Variants in RPH3A observed in about 807,000 individuals in gnomAD.
RPH3A encodes the protein rabphilin-3A.
In RPH3A, 48 loss-of-function variants were observed where a neutral mutation model predicts 102.2. The observed-to-expected ratio is 0.47, with a 90% CI of 0.37 to 0.60. The LOEUF is 0.60. Among genes scored for constraint, RPH3A ranks in the 20% least tolerant of loss-of-function variants. The probability of loss-of-function intolerance (pLI) is 0.00; values close to 1 mark genes in which losing one functional copy is unlikely to be tolerated. For synonymous variants in RPH3A, 310 were observed against 324.3 expected (o/e 0.96, Z 0.47); for missense variants, 781 against 910.1 (o/e 0.86, Z 1.83).
At chr12:112,712,537 CCA>C (rs2040469640) in intron 1 of RPH3A, among the ~76,000 whole-genome samples, 4 of 152,126 alleles carry the variant, frequency 2.6e-5, no homozygotes, top group South Asian at 2.1e-4. Context: ...TACTCACCAT[CCA>C]GTTTAAGAAC....
chr12:112,637,766 C>T (rs1289699414), intron 1 of RPH3A, among the ~76,000 whole-genome samples: 2 of 152,192 alleles, frequency 1.3e-5, no homozygotes, highest in Non-Finnish European at 2.9e-5. Context: ...TATCACACAA[C>T]CCATCATCAA....
intron 2 of RPH3A, among the ~76,000 whole-genome samples, chr12:112,812,067 GC>G (rs1221707032): frequency 6.6e-6 from 1 of 151,750 alleles, no homozygotes; most frequent in Non-Finnish European, 1.5e-5. Context: ...AAAAAAAAGA[GC>G]ATCTCCTTTC....
At chr12:112,674,250 G>A (rs2040156346) in intron 1 of RPH3A, among the ~76,000 whole-genome samples, 1 of 152,084 alleles carries the variant, frequency 6.6e-6, no homozygotes, top group African/African-American at 2.4e-5. Flanking sequence ...TAGAGATGGG[G>A]TCTTGCTGTG....
intron 2 of RPH3A, among the ~76,000 whole-genome samples, chr12:112,818,504 T>G (rs1471290833): frequency 6.6e-6 from 1 of 152,068 alleles, no homozygotes; most frequent in Non-Finnish European, 1.5e-5. Context: ...AAGTGATCAA[T>G]AGCAGCTATA....
At chr12:112,634,137 A>G (rs1302999950) in intron 1 of RPH3A, among the ~76,000 whole-genome samples, 1 of 152,096 alleles carries the variant, frequency 6.6e-6, no homozygotes, top group Non-Finnish European at 1.5e-5. Flanking sequence ...TCACAAGGTA[A>G]GGAGTTCGAG....
intron 1 of RPH3A, among the ~76,000 whole-genome samples, chr12:112,656,098 G>A (rs1281137268): frequency 6.6e-6 from 1 of 152,240 alleles, no homozygotes; most frequent in Non-Finnish European, 1.5e-5. Context: ...ATGATGGACA[G>A]AACAAGAGCA....
chr12:112,663,173 T>C (rs754078358), intron 1 of RPH3A, among the ~76,000 whole-genome samples: 5 of 151,770 alleles, frequency 3.3e-5, no homozygotes, highest in Non-Finnish European at 7.4e-5. Context: ...GAGTGAAACA[T>C]ATACCCTTAG....
At chr12:112,788,459 TCAGA>T (rs987063485), upstream of RPH3A, among the ~76,000 whole-genome samples, 1 of 151,986 alleles carries the variant, frequency 6.6e-6, no homozygotes, top group African/African-American at 2.4e-5. Flanking sequence ...GGCTTTGGAG[TCAGA>T]CAGACCTGAG....
chr12:112,867,905 C>T (rs757093277), intron 7 of RPH3A, among the ~76,000 whole-genome samples: 2 of 152,208 alleles, frequency 1.3e-5, no homozygotes, highest in Non-Finnish European at 2.9e-5. Context: ...GCAGCCCATA[C>T]TGGTCAGCCT....
chr12:112,856,538 C>T (rs1045833150), intron 5 of RPH3A, among the ~76,000 whole-genome samples: 4 of 151,546 alleles, frequency 2.6e-5, no homozygotes, highest in African/African-American at 7.3e-5. Flanking sequence ...GTACACATGC[C>T]TCTACAGGCG....
chr12:112,722,341 A>G (rs764563298), intron 1 of RPH3A, among the ~76,000 whole-genome samples: 2 of 152,222 alleles, frequency 1.3e-5, no homozygotes, highest in Non-Finnish European at 2.9e-5. Context: ...CCAAATACAA[A>G]TTCTTATTCA....
chr12:112,614,454 C>G (rs925861913), intron 1 of RPH3A, among the ~76,000 whole-genome samples: 1 of 150,614 alleles, frequency 6.6e-6, no homozygotes. Context: ...GAGGCTGAGG[C>G]GGGTAGATCA....
chr12:112,881,470 A>G (rs756593503), intron 14 of RPH3A, among the ~76,000 whole-genome samples: 1 of 152,134 alleles, frequency 6.6e-6, no homozygotes, highest in Non-Finnish European at 1.5e-5. Context: ...AAATCTCACC[A>G]CCTCATGAAG....
intron 5 of RPH3A, 124 bp from the exon 6 acceptor site, chr12:112,865,290 A>T (rs2042589653): frequency 8.6e-7 from 1 of 1,166,552 alleles, no homozygotes; most frequent in African/African-American, 1.5e-5. Flanking sequence ...AGAGTTCACA[A>T]CTGTCATCAG....
chr12:112,860,623 G>T (rs2042492969), intron 5 of RPH3A, among the ~76,000 whole-genome samples: 1 of 152,138 alleles, frequency 6.6e-6, no homozygotes, highest in Admixed American at 6.5e-5. Flanking sequence ...TTTGTCCCAC[G>T]CCCTCTTCCT....
chr12:112,790,442 T>A (rs991968270), upstream of RPH3A, among the ~76,000 whole-genome samples: 10 of 152,180 alleles, frequency 6.6e-5, no homozygotes, highest in Non-Finnish European at 1.3e-4. Flanking sequence ...GAGAAGTAAG[T>A]GACAAATGTA....
intron 1 of RPH3A, among the ~76,000 whole-genome samples, chr12:112,772,932 T>C (rs2040937569): frequency 6.6e-6 from 1 of 152,116 alleles, no homozygotes; most frequent in South Asian, 2.1e-4. Flanking sequence ...ATCATTCTTA[T>C]GCCTTTGTGT....
At position 112,869,910 on chromosome 12, in the gene RPH3A, G is replaced by T. The variant is rs2042677826; in HGVS notation, c.667G>T (p.Ala223Ser). ...CTTTCCAGGCCCTGACCCAGCCTCTGCTCCCGGGCGAGGAAACTATGGGCC... is the reference window on the plus strand; with the variant it reads ...CTTTCCAGGCCCTGACCCAGCCTCTTCTCCCGGGCGAGGAAACTATGGGCC... ...GQKTGPDPAS[A>S]PGRGNYGPPV... Residue 223 changes from alanine (A) to serine (S), a missense_variant, in exon 10 of 22, where the codon GCT becomes TCT. Ala to Ser is a moderately conservative substitution (Grantham distance 99). Around this residue, in one of 2 missense-constraint regions of RPH3A, gnomAD observed 730 missense variants for 810.0 expected, o/e 0.90. Transcript: ENST00000389385. 2 of 1,614,058 alleles carry T rather than the reference G, an allele frequency of 1.2e-6. No individual in the cohort carries two copies. The highest frequency in any genetic ancestry group is 1.7e-6 in the Non-Finnish European group (2 of 1,179,990).
chr12:112,830,691 T>C (rs892526101), intron 3 of RPH3A, among the ~76,000 whole-genome samples: 3 of 152,134 alleles, frequency 2.0e-5, no homozygotes, highest in African/African-American at 4.8e-5. Flanking sequence ...TACTGAAAAA[T>C]TGAACCTTTT....
Sources: gnomAD v4.1 joint callset for allele counts (sites outside exome capture counted in the v4.1 genomes callset) on GRCh38, gnomAD v4.1.1 for gene constraint, gnomAD v4.1.1 regional missense constraint, MANE v1.5 for transcripts, NCBI Gene and HGNC (gene_info 2026-07-23, HGNC 2026-07-21) for gene names.